Variants in PARD3 observed in about 807,000 individuals in gnomAD.
The protein encoded by PARD3 is par-3 family cell polarity regulator, also known as partitioning defective 3 homolog.
Under a neutral mutation model 155.4 loss-of-function variants are expected in PARD3, and 75 were observed. That is an observed-to-expected ratio of 0.48 (90% CI 0.40 to 0.58). The LOEUF (loss-of-function observed/expected upper bound fraction) is 0.58. Ranked by LOEUF, PARD3 falls within the 20% of genes least tolerant of loss-of-function variation. The pLI is 0.00. For synonymous variants in PARD3, 576 were observed against 610.5 expected, an observed-to-expected ratio of 0.94 and a Z score of 0.83; for missense variants, 1,642 against 1,721.7, an observed-to-expected ratio of 0.95 and a Z score of 0.82.
intron 22 of PARD3, among the ~76,000 whole-genome samples, chr10:34,200,594 ACTTACTGAACC>A (rs2133332858): frequency 6.6e-6 from 1 of 152,310 alleles, no homozygotes; most frequent in Admixed American, 6.5e-5. Context: ...ATGGCTTAGT[ACTTACTGAACC>A]CTGATAAGGC....
chr10:34,307,698 CAG>C (rs1957483811), intron 20 of PARD3, among the ~76,000 whole-genome samples: 1 of 152,112 alleles, frequency 6.6e-6, no homozygotes, highest in South Asian at 2.1e-4. Flanking sequence ...TCCAAGACTT[CAG>C]AGAGGCCTCA....
chr10:34,503,663 G>A (rs1008252556), intron 3 of PARD3, among the ~76,000 whole-genome samples: 5 of 152,352 alleles, frequency 3.3e-5, no homozygotes, highest in Admixed American at 3.3e-4. Flanking sequence ...AGGCTGCTGT[G>A]ATGGCTATTA....
intron 22 of PARD3, among the ~76,000 whole-genome samples, chr10:34,146,015 T>C (rs1948488525): frequency 6.6e-6 from 1 of 152,170 alleles, no homozygotes; most frequent in African/African-American, 2.4e-5. Flanking sequence ...AATCTAGCAA[T>C]CTTTGGTGCG....
In PARD3 at chr10:34,331,175, G is replaced by T; in HGVS notation, c.2775C>A (p.Ala925=). Residue 925 remains alanine, a synonymous_variant, in exon 19 of 25, where the codon GCC becomes GCA. Coordinates refer to ENST00000374788, the MANE Select transcript of PARD3 (RefSeq NM_001184785.2). The stretch of plus-strand genomic sequence containing the variant: ...CGGGTTTATCATAAGATTTGTCGAT[G>T]GCAGCTCTGAAGCTCTCATTGCATC... ...GRGCNESFRA[A]IDKSYDKPAV... 6.2e-7 allele frequency: 1 copy of T among 1,613,968 alleles called. No homozygotes were observed. Among genetic ancestry groups the T allele is most frequent in the South Asian group, 1.1e-5 (1 of 91,076 alleles).
chr10:34,323,423 G>C (rs149142104), intron 19 of PARD3, among the ~76,000 whole-genome samples: 1 of 152,236 alleles, frequency 6.6e-6, no homozygotes, highest in East Asian at 1.9e-4. Flanking sequence ...AATAATAACT[G>C]ATATGATGAA....
chr10:34,498,178 T>C (rs752619874), intron 3 of PARD3, among the ~76,000 whole-genome samples: 18 of 152,014 alleles, frequency 1.2e-4, no homozygotes, highest in African/African-American at 3.9e-4. Flanking sequence ...TTGAAACCCA[T>C]AGGAACTGAC....
At chr10:34,668,753 G>C (rs2025460) in intron 2 of PARD3, among the ~76,000 whole-genome samples, 3 of 151,864 alleles carry the variant, frequency 2.0e-5, no homozygotes, top group Admixed American at 1.3e-4. Context: ...TGGGAAGATC[G>C]CTTGAGCCCA....
chr10:34,648,585 G>C (rs1175435970), intron 2 of PARD3, among the ~76,000 whole-genome samples: 2 of 152,116 alleles, frequency 1.3e-5, no homozygotes, highest in Non-Finnish European at 2.9e-5. Flanking sequence ...CTCAAAAGGG[G>C]CGTGCAACCT....
intron 22 of PARD3, among the ~76,000 whole-genome samples, chr10:34,141,611 T>C (rs566476578): frequency 2.2e-4 from 34 of 152,326 alleles, no homozygotes; most frequent in Middle Eastern, 3.4e-3. Context: ...AACAGGACTA[T>C]CATTTTATAA....
At chr10:34,189,565 C>G (rs1950618338) in intron 22 of PARD3, among the ~76,000 whole-genome samples, 1 of 152,148 alleles carries the variant, frequency 6.6e-6, no homozygotes, top group African/African-American at 2.4e-5. Flanking sequence ...CTGGATGAGG[C>G]AGTAAGTATT....
chr10:34,395,799 T>TGCAGTCC lies in PARD3; in HGVS notation c.890+3524_890+3530dup, dbSNP rs1407042083. Among the ~76,000 whole-genome samples the TGCAGTCC allele has an allele frequency of 3.7e-4, 10 of 27,062 alleles. 3 individuals carry two copies. The highest frequency in any genetic ancestry group is 5.4e-4 in the Non-Finnish European group (10 of 18,464). 17.8% of individuals were successfully genotyped at this position (27,062 alleles called of 152,430 possible). A position where few individuals can be genotyped will look rare whatever the true frequency, so the allele number is the denominator to read the frequency against. On this transcript the variant is annotated intron_variant, in intron 7 of 24. Transcript: ENST00000374788. Reference sequence around the variant, plus strand: ...TTGCAGTGAGCCGAGATTGCGCCACTGCAGTCCGCAGTCCAACCTGGGCGA... The same window carrying TGCAGTCC: ...TTGCAGTGAGCCGAGATTGCGCCACTGCAGTCCGCAGTCCGCAGTCCAACCTGGGCGA...
chr10:34,390,348 C>T (rs561214578), intron 7 of PARD3, among the ~76,000 whole-genome samples: 1 of 152,194 alleles, frequency 6.6e-6, no homozygotes, highest in South Asian at 2.1e-4. Context: ...TCACTACCTA[C>T]CTAGAATACC....
intron 1 of PARD3, among the ~76,000 whole-genome samples, chr10:34,711,167 A>C (rs1303856273): frequency 2.0e-5 from 3 of 151,104 alleles, no homozygotes; most frequent in Admixed American, 6.6e-5. Flanking sequence ...ACACACCCAA[A>C]CCCCTAAAAA....
At chr10:34,116,843 C>T (rs1442084784) in intron 24 of PARD3, among the ~76,000 whole-genome samples, 9 of 152,210 alleles carry the variant, frequency 5.9e-5, no homozygotes, top group Non-Finnish European at 5.9e-5. Context: ...GAGGCACTAG[C>T]GGTAGCGGCT....
rs549006410 is a variant in PARD3, at chr10:34,635,002, T to A, written c.222+61316A>T. On this transcript the variant is annotated intron_variant, in intron 2 of 24. Transcript: ENST00000374788. ...CTGAAGAATGGCGGCCTACACTGGG[T>A]CCCCAAATAGTCACTGTGTTTCAGA... Among the ~76,000 whole-genome samples the A allele has an allele frequency of 7.2e-5, 11 of 152,268 alleles. No individual in the cohort carries two copies. The East Asian group carries it at 2.1e-3, about 29-fold the overall frequency.
chr10:34,333,968 A>T lies in PARD3; in HGVS notation c.2605+2231T>A, dbSNP rs557745797. On this transcript the variant is annotated intron_variant, in intron 18 of 24. Transcript: ENST00000374788. ...AGAAAAAAAATTAAAAGGATTCCCT[A>T]ACAATACAAACAGCATTTTACTAGT... 9.9e-5 allele frequency among the ~76,000 whole-genome samples: 15 copies of T among 152,114 alleles called. No homozygotes were observed. In the East Asian group the frequency reaches 2.9e-3, roughly 29 times the overall value.
chr10:34,593,401 A>C (rs961007819), intron 2 of PARD3, among the ~76,000 whole-genome samples: 1 of 152,224 alleles, frequency 6.6e-6, no homozygotes, highest in Non-Finnish European at 1.5e-5. Flanking sequence ...TATAAGTTCC[A>C]TGACAGACAC....
chr10:34,643,592 CT>C (rs1260817306), intron 2 of PARD3, among the ~76,000 whole-genome samples: 2 of 152,322 alleles, frequency 1.3e-5, no homozygotes, highest in East Asian at 3.9e-4. Flanking sequence ...GAGCATTACA[CT>C]TTAAAACAGC....
chr10:34,425,393 C>T (rs958533567), intron 5 of PARD3, among the ~76,000 whole-genome samples: 2 of 152,162 alleles, frequency 1.3e-5, no homozygotes, highest in Non-Finnish European at 2.9e-5. Flanking sequence ...AGATTACTCA[C>T]AAACGAAAAT....
Sources: allele counts gnomAD v4.1 joint callset (sites outside exome capture counted in the v4.1 genomes callset), GRCh38; gene constraint gnomAD v4.1.1; transcripts MANE v1.5; gene names NCBI Gene and HGNC (gene_info 2026-07-23, HGNC 2026-07-21).